The following CNTN4 variants were observed in gnomAD, a reference collection of about 807,000 sequenced individuals.
The protein encoded by CNTN4 is contactin-4.
Under a neutral mutation model 122.5 loss-of-function variants are expected in CNTN4, and 77 were observed. That is an observed-to-expected ratio of 0.63 (90% CI 0.52 to 0.76). The LOEUF (loss-of-function observed/expected upper bound fraction) is 0.76, where lower values mean the gene tolerates loss of function less well. CNTN4 is among the 30% of genes least tolerant of loss of function. The pLI, the probability that CNTN4 is intolerant of heterozygous loss-of-function variation, is 0.00. For missense variants in CNTN4, 1,256 were observed against 1,259.1 expected (o/e 1.00, Z 0.04); for synonymous variants, 512 against 447.0 (o/e 1.15, Z -1.83).
At chr3:2,245,186 A>G (rs1246459707) in intron 2 of CNTN4, among the ~76,000 whole-genome samples, 1 of 151,896 alleles carries the variant, frequency 6.6e-6, no homozygotes, top group Non-Finnish European at 1.5e-5. Context: ...TCAGTATTCT[A>G]TGAGATATAT....
At chr3:2,260,517 A>T (rs2040792911) in intron 2 of CNTN4, among the ~76,000 whole-genome samples, 1 of 152,154 alleles carries the variant, frequency 6.6e-6, no homozygotes, top group Admixed American at 6.6e-5. Context: ...TGAGGTAAGC[A>T]GCAGAAGGGA....
intron 2 of CNTN4, among the ~76,000 whole-genome samples, chr3:2,191,886 C>T (rs906108092): frequency 2.6e-4 from 39 of 152,022 alleles, no homozygotes; most frequent in Admixed American, 7.9e-4. Context: ...CCCCTCCCCC[C>T]ACTCCACAAC....
chr3:2,334,442 AG>A (rs2043859914), intron 2 of CNTN4, among the ~76,000 whole-genome samples: 2 of 152,160 alleles, frequency 1.3e-5, no homozygotes, highest in Non-Finnish European at 2.9e-5. Context: ...TACAGATAGG[AG>A]CCACGGCACC....
intron 4 of CNTN4, among the ~76,000 whole-genome samples, chr3:2,694,949 T>A (rs1044689754): frequency 6.6e-5 from 10 of 152,214 alleles, no homozygotes; most frequent in Non-Finnish European, 8.8e-5. Flanking sequence ...TGGTTTTAAA[T>A]TTTAAAAAGG....
intron 2 of CNTN4, among the ~76,000 whole-genome samples, chr3:2,316,312 G>C (rs2043096870): frequency 6.6e-6 from 1 of 151,952 alleles, no homozygotes; most frequent in Non-Finnish European, 1.5e-5. Context: ...TTAAAGACAT[G>C]CTTTATCAAG....
chr3:2,473,881 G>A, intron 3 of CNTN4, among the ~76,000 whole-genome samples: 1 of 152,024 alleles, frequency 6.6e-6, no homozygotes, highest in African/African-American at 2.4e-5. Context: ...GTGTGGTGGT[G>A]CATGCCTGTA....
chr3:2,691,488 C>T (rs2675304), intron 4 of CNTN4, among the ~76,000 whole-genome samples: 119,757 of 152,080 alleles, frequency 0.79, 47,299 homozygotes, highest in East Asian at 0.83. Flanking sequence ...TTGTGTGGCT[C>T]CAGGACATTA....
At chr3:2,748,314 C>T (rs1306327158) in intron 6 of CNTN4, among the ~76,000 whole-genome samples, 5 of 152,164 alleles carry the variant, frequency 3.3e-5, no homozygotes, top group Admixed American at 6.5e-5. Context: ...TACCCAACCA[C>T]GTTGTTTTAT....
At chr3:2,327,378 A>G (rs562632784) in intron 2 of CNTN4, among the ~76,000 whole-genome samples, 2 of 152,272 alleles carry the variant, frequency 1.3e-5, no homozygotes, top group East Asian at 3.9e-4. Context: ...TCCTTATGCT[A>G]TTTAGTTTCC....
intron 3 of CNTN4, among the ~76,000 whole-genome samples, chr3:2,527,984 A>G (rs1368949292): frequency 1.3e-5 from 2 of 152,046 alleles, no homozygotes; most frequent in South Asian, 2.1e-4. Context: ...TCAGTTTTCA[A>G]TGTTCTTTCA....
chr3:2,427,789 G>A (rs2047899238), intron 3 of CNTN4, among the ~76,000 whole-genome samples: 1 of 151,930 alleles, frequency 6.6e-6, no homozygotes, highest in Non-Finnish European at 1.5e-5. Context: ...AGGATAGTTA[G>A]CTCTTCTTGT....
At chr3:2,160,751 T>C (rs1218974667) in intron 2 of CNTN4, among the ~76,000 whole-genome samples, 1 of 152,214 alleles carries the variant, frequency 6.6e-6, no homozygotes, top group Non-Finnish European at 1.5e-5. Flanking sequence ...TGACTGTTTC[T>C]CAGATGGTTC....
chr3:2,483,597 C>T (rs1007598924), intron 3 of CNTN4, among the ~76,000 whole-genome samples: 1 of 152,076 alleles, frequency 6.6e-6, no homozygotes, highest in Non-Finnish European at 1.5e-5. Context: ...GAAGGGACCC[C>T]TTGGGAGGTA....
chr3:2,936,654 A>C (rs1577333458), intron 13 of CNTN4, among the ~76,000 whole-genome samples: 1 of 152,122 alleles, frequency 6.6e-6, no homozygotes, highest in Non-Finnish European at 1.5e-5. Flanking sequence ...TCTTGCTGCA[A>C]AGCCTGAGAA....
At chr3:2,629,544 G>T (rs1323545809) in intron 4 of CNTN4, 4 of 452,766 alleles carry the variant, frequency 8.8e-6, no homozygotes, top group African/African-American at 6.0e-5. Flanking sequence ...ACTGACTTCT[G>T]GTCCTTGCTG....
intron 6 of CNTN4, among the ~76,000 whole-genome samples, chr3:2,783,760 G>A (rs1003608463): frequency 1.3e-5 from 2 of 152,164 alleles, no homozygotes; most frequent in African/African-American, 2.4e-5. Context: ...ACGTAAAGAC[G>A]AATCCATTTT....
chr3:2,601,722 G>GT (rs1398350957), intron 4 of CNTN4, among the ~76,000 whole-genome samples: 10 of 152,234 alleles, frequency 6.6e-5, no homozygotes, highest in Admixed American at 2.0e-4. Context: ...CTTTAAAGTA[G>GT]TTTTTTCCAA....
At chr3:2,118,227 C>A (rs2033502704) in intron 2 of CNTN4, among the ~76,000 whole-genome samples, 1 of 152,192 alleles carries the variant, frequency 6.6e-6, no homozygotes, top group Non-Finnish European at 1.5e-5. Context: ...AGTAATTTGT[C>A]TCAGGTCATG....
chr3:2,280,952 T>C (rs746452554), intron 2 of CNTN4, among the ~76,000 whole-genome samples: 10 of 152,184 alleles, frequency 6.6e-5, no homozygotes, highest in African/African-American at 9.7e-5. Context: ...GGAGGAGGCC[T>C]CTCCTTGCTC....
Sources: gnomAD v4.1 joint callset for allele counts (sites outside exome capture counted in the v4.1 genomes callset) on GRCh38, gnomAD v4.1.1 for gene constraint, MANE v1.5 for transcripts, NCBI Gene and HGNC (gene_info 2026-07-23, HGNC 2026-07-21) for gene names.